ANKRD46: variants seen among roughly 807,000 people sequenced by gnomAD.
ANKRD46 encodes the protein ankyrin repeat domain 46, also known as ankyrin repeat domain-containing protein 46.
Under a neutral mutation model 19.8 loss-of-function variants are expected in ANKRD46, and 13 were observed. The ratio of observed to expected loss-of-function variants is 0.66; its 90% CI spans 0.43 to 1.04. The LOEUF is 1.04. ANKRD46 is among the 50% of genes least tolerant of loss of function. The probability of loss-of-function intolerance (pLI) is 0.00; values close to 1 mark genes in which losing one functional copy is unlikely to be tolerated. For synonymous variants in ANKRD46, 91 were observed against 106.9 expected (o/e 0.85, Z 0.92); for missense variants, 185 against 274.8 (o/e 0.67, Z 2.31).
At position 100,510,733 on chromosome 8, in the gene ANKRD46, T is replaced by C; in HGVS notation, c.637-94A>G. ...CCAGGACCAGATACAATCATAAATA[T>C]ATAGAACCAGAAAGCACAGGCTTGC... On this transcript the variant is annotated intron_variant, in intron 5 of 5. Coordinates refer to the ANKRD46 transcript ENST00000520552. The surrounding 1 kb of genome is among the most constrained non-coding windows in gnomAD (Gnocchi z 4.9). The C allele has an allele frequency of 8.7e-7, 1 of 1,149,524 alleles. No homozygotes were observed. Among genetic ancestry groups the C allele is most frequent in the Non-Finnish European group, 1.2e-6 (1 of 828,166 alleles). The allele number at this position is 1,149,524 out of a possible 1,614,324, so 71.2% of individuals were successfully genotyped here.
chr8:100,517,594 G>A (rs1180785427), downstream of ANKRD46, among the ~76,000 whole-genome samples: 4 of 152,326 alleles, frequency 2.6e-5, no homozygotes, highest in East Asian at 7.7e-4. Flanking sequence ...GGAGCAGTCT[G>A]GTTGTGCTGT....
chr8:100,533,674 C>T (rs1812008309), intron 1 of ANKRD46, among the ~76,000 whole-genome samples: 2 of 152,094 alleles, frequency 1.3e-5, no homozygotes, highest in South Asian at 4.1e-4. Context: ...GAGGCTAGAT[C>T]CCAGATTAGT....
chr8:100,552,713 A>C (rs1361427268), intron 1 of ANKRD46, among the ~76,000 whole-genome samples: 1 of 152,224 alleles, frequency 6.6e-6, no homozygotes. Flanking sequence ...ATGGTGTATA[A>C]ATGAGATACC....
At chr8:100,542,544 G>A in intron 1 of ANKRD46, among the ~76,000 whole-genome samples, 1 of 152,102 alleles carries the variant, frequency 6.6e-6, no homozygotes, top group South Asian at 2.1e-4. Context: ...AGGGAGTTGA[G>A]GAGTGTCTGT....
chr8:100,554,107 A>G (rs1009322300), intron 1 of ANKRD46, among the ~76,000 whole-genome samples: 1 of 152,244 alleles, frequency 6.6e-6, no homozygotes, highest in African/African-American at 2.4e-5. Flanking sequence ...GCAACATGAG[A>G]GAGAGCCAGA....
chr8:100,559,276 A>C lies in ANKRD46; in HGVS notation c.-131+435T>G, dbSNP rs1812564773. The C allele has an allele frequency of 6.6e-6, 1 of 152,140 alleles. No individual in the cohort carries two copies. Among genetic ancestry groups the C allele is most frequent in the East Asian group, 1.9e-4 (1 of 5,172 alleles). The allele number at this position is 152,140 out of a possible 1,614,324, so 9.4% of individuals were successfully genotyped here. On this transcript the variant is annotated intron_variant, in intron 1 of 4. Transcript: ENST00000335659. This position sits in a 1 kb window ranked among gnomAD's most constrained non-coding sequence, Gnocchi z 6.0. ...ATTCTGGAGAGCTCACTCACACCCC[A>C]ACAGCTTGTCCCGGCGCCTGAACTG...
At chr8:100,541,690 C>T (rs1010188211) in intron 1 of ANKRD46, among the ~76,000 whole-genome samples, 4 of 152,174 alleles carry the variant, frequency 2.6e-5, no homozygotes, top group Non-Finnish European at 2.9e-5. Flanking sequence ...TACATGCTAC[C>T]GCTCATCCCC....
intron 5 of ANKRD46, among the ~76,000 whole-genome samples, chr8:100,513,831 C>G (rs1811585912): frequency 6.6e-6 from 1 of 152,184 alleles, no homozygotes; most frequent in South Asian, 2.1e-4. Context: ...TCTAAAAGAA[C>G]AGACTGTGCT....
At chr8:100,517,678 C>A (rs754397323), downstream of ANKRD46, among the ~76,000 whole-genome samples, 9 of 152,214 alleles carry the variant, frequency 5.9e-5, no homozygotes, top group Non-Finnish European at 1.0e-4. Context: ...GCCAAGATCC[C>A]CCCTTAGAAA....
At position 100,543,206 on chromosome 8, in the gene ANKRD46, GA is replaced by G. The variant is rs547859990; in HGVS notation, c.-130-9896del. ...CTCTTCCAGATTTGCTGCTTTCCAG[GA>G]AATGTCTTTAATAAACAGGCTTTGT... On this transcript the variant is annotated intron_variant, in intron 1 of 4. Transcript: ENST00000335659. The surrounding 1 kb of genome is among the most constrained non-coding windows in gnomAD (Gnocchi z 4.2). 3.7e-4 allele frequency among the ~76,000 whole-genome samples: 56 copies of G among 152,286 alleles called. No individual in the cohort carries two copies. The South Asian group carries it at 9.9e-3, about 27-fold the overall frequency.
intron 4 of ANKRD46, among the ~76,000 whole-genome samples, chr8:100,526,987 G>A (rs1432958621): frequency 1.3e-5 from 2 of 151,932 alleles, no homozygotes; most frequent in Non-Finnish European, 2.9e-5. Context: ...TCCTTCACAC[G>A]TATAATGTGG....
At chr8:100,540,022 T>G (rs1464942609) in intron 1 of ANKRD46, among the ~76,000 whole-genome samples, 1 of 152,250 alleles carries the variant, frequency 6.6e-6, no homozygotes, top group African/African-American at 2.4e-5. Flanking sequence ...GTTTGTTATG[T>G]CTGGTATTAC....
intron 1 of ANKRD46, chr8:100,551,121 A>G: frequency 2.1e-6 from 1 of 478,004 alleles, no homozygotes; most frequent in Non-Finnish European, 4.0e-6. Flanking sequence ...GGAGAGCCCC[A>G]CAGACATATG....
Position 100,510,448 on chromosome 8 carries a change from A to C in ANKRD46, c.*129T>G. ...GCAGGTCCCTCTGCCTCCTAACTGC[A>C]GAGCTTTGAGATGATGCTCCATGAC... is the stretch of plus-strand genomic sequence containing the variant. On this transcript the variant is annotated 3_prime_UTR_variant, in exon 6 of 6. Transcript: ENST00000520552. This position sits in a 1 kb window ranked among gnomAD's most constrained non-coding sequence, Gnocchi z 4.9. 4.6e-6 allele frequency: 4 copies of C among 863,394 alleles called. No individual in the cohort carries two copies. The highest frequency in any genetic ancestry group is 5.0e-6 in the Non-Finnish European group (3 of 597,228). The allele number at this position is 863,394 out of a possible 1,614,324, so 53.5% of individuals were successfully genotyped here.
chr8:100,539,925 T>C (rs973396935), intron 1 of ANKRD46, among the ~76,000 whole-genome samples: 14 of 152,208 alleles, frequency 9.2e-5, no homozygotes, highest in African/African-American at 2.9e-4. Flanking sequence ...TAAGTTCATA[T>C]AATAATTAAA....
intron 4 of ANKRD46, 108 bp from the exon 5 acceptor site, chr8:100,522,879 A>G: frequency 1.8e-6 from 1 of 550,194 alleles, no homozygotes; most frequent in Non-Finnish European, 3.1e-6. Flanking sequence ...ACACACACAC[A>G]CACACACACA....
At position 100,550,872 on chromosome 8, in the gene ANKRD46, G is replaced by T; in HGVS notation, c.-131+8839C>A. The T allele has an allele frequency of 1.9e-6, 1 of 520,392 alleles. No homozygotes were observed. Among genetic ancestry groups the T allele is most frequent in the Non-Finnish European group, 3.6e-6 (1 of 274,942 alleles). The allele number at this position is 520,392 out of a possible 1,614,324, so 32.2% of individuals were successfully genotyped here. A position where few individuals can be genotyped will look rare whatever the true frequency, so the allele number is the denominator to read the frequency against. On this transcript the variant is annotated intron_variant, in intron 1 of 4. Coordinates refer to ENST00000335659, the MANE Select transcript of ANKRD46 (RefSeq NM_001270377.2). The surrounding 1 kb of genome is among the most constrained non-coding windows in gnomAD (Gnocchi z 4.4). ...AGAGTGAGTGTCACTGTTAAAGTCA[G>T]AGGAAACAACCTGGTGTTCAGTGTA... is the stretch of plus-strand genomic sequence containing the variant.
intron 1 of ANKRD46, among the ~76,000 whole-genome samples, chr8:100,556,349 T>TCA (rs1812499771): frequency 6.6e-6 from 1 of 152,172 alleles, no homozygotes; most frequent in Non-Finnish European, 1.5e-5. Context: ...GGCTCTGAAA[T>TCA]GTACTACGTA....
intron 2 of ANKRD46, among the ~76,000 whole-genome samples, chr8:100,531,124 TAAGA>T (rs1176002856): frequency 2.0e-5 from 3 of 152,218 alleles, no homozygotes; most frequent in African/African-American, 7.2e-5. Flanking sequence ...TAGGTTCATT[TAAGA>T]AAGAGTTAAA....
Sources: allele counts gnomAD v4.1 joint callset (sites outside exome capture counted in the v4.1 genomes callset), GRCh38; gene constraint gnomAD v4.1.1; non-coding constraint Gnocchi (gnomAD v3.1); transcripts MANE v1.5; gene names NCBI Gene and HGNC (gene_info 2026-07-23, HGNC 2026-07-21).